PRKN: variants seen among roughly 807,000 people sequenced by gnomAD.
PRKN encodes E3 ubiquitin-protein ligase parkin.
Under a neutral mutation model 59.5 loss-of-function variants are expected in PRKN, and 56 were observed. The observed-to-expected ratio is 0.94, with a 90% CI of 0.76 to 1.18. The LOEUF is 1.18. Among genes scored for constraint, PRKN ranks in the 50% most tolerant of loss-of-function variants. The pLI, the probability that PRKN is intolerant of heterozygous loss-of-function variation, is 0.00. For missense variants in PRKN, 657 were observed against 596.4 expected, an observed-to-expected ratio of 1.10 and a Z score of -1.06; for synonymous variants, 250 against 222.1, an observed-to-expected ratio of 1.13 and a Z score of -1.12.
At chr6:161,730,615 A>T (rs1246506527) in intron 7 of PRKN, among the ~76,000 whole-genome samples, 11 of 144,270 alleles carry the variant, frequency 7.6e-5, no homozygotes, top group African/African-American at 2.0e-4. Context: ...GATACATCAC[A>T]TTCTGATGTG....
At chr6:161,675,834 T>C (rs1332418721) in intron 7 of PRKN, among the ~76,000 whole-genome samples, 1 of 152,244 alleles carries the variant, frequency 6.6e-6, no homozygotes, top group Non-Finnish European at 1.5e-5. Context: ...GGAAGGCTTT[T>C]TGTGAAGATT....
intron 4 of PRKN, among the ~76,000 whole-genome samples, chr6:162,134,512 A>G (rs1278049609): frequency 1.3e-5 from 2 of 152,184 alleles, no homozygotes; most frequent in African/African-American, 4.8e-5. Context: ...TTCAGAAGGG[A>G]GAGTGAAGTG....
In PRKN at chr6:161,494,922, T is replaced by G. The variant is rs575291727; in HGVS notation, c.1083+53932A>C. On this transcript the variant is annotated intron_variant, in intron 9 of 11. Coordinates refer to ENST00000366898, the MANE Select transcript of PRKN (RefSeq NM_004562.3). ...CTCCCTTGCTCCGCCTTGAACTCTG[T>G]TGTTGACATCTTTCTTGCCCTCTAC... Among the ~76,000 whole-genome samples the G allele has an allele frequency of 2.2e-3, 341 of 152,274 alleles. 2 individuals are homozygous for G. Among genetic ancestry groups the G allele is most frequent in the African/African-American group, 8.0e-3 (334 of 41,538 alleles).
chr6:161,874,950 G>T (rs1466023778), intron 6 of PRKN, among the ~76,000 whole-genome samples: 5 of 65,726 alleles, frequency 7.6e-5, no homozygotes, highest in African/African-American at 2.6e-4. Flanking sequence ...TATATTATAG[G>T]TACTTTATAT....
At chr6:161,762,787 C>T (rs1583124310) in intron 7 of PRKN, among the ~76,000 whole-genome samples, 1 of 152,260 alleles carries the variant, frequency 6.6e-6, no homozygotes, top group East Asian at 1.9e-4. Context: ...ACATTCTAGG[C>T]CACCATTGCT....
At chr6:162,572,262 G>T (rs1025010545) in intron 1 of PRKN, among the ~76,000 whole-genome samples, 5 of 152,120 alleles carry the variant, frequency 3.3e-5, no homozygotes, top group Non-Finnish European at 7.4e-5. Context: ...ATGATCTCCT[G>T]CATAATGTTA....
At chr6:162,423,475 A>C (rs557932958) in intron 2 of PRKN, among the ~76,000 whole-genome samples, 1 of 152,150 alleles carries the variant, frequency 6.6e-6, no homozygotes, top group African/African-American at 2.4e-5. Context: ...GTGCTATATA[A>C]CTCAGGGACA....
At position 161,576,303 on chromosome 6, in the gene PRKN, C is replaced by T. The variant is rs1174948312; in HGVS notation, c.872-6887G>A. On this transcript the variant is annotated intron_variant, in intron 7 of 11. Coordinates refer to ENST00000366898, the MANE Select transcript of PRKN (RefSeq NM_004562.3). The surrounding 1 kb of genome is among the most constrained non-coding windows in gnomAD (Gnocchi z 4.6). ...TTATTCATGCATTCTTTCTCCGTAG[C>T]CAATACTTGCTGTCTCAAGATATCC... Among the ~76,000 whole-genome samples the T allele has an allele frequency of 6.6e-6, 1 of 152,142 alleles. No homozygotes were observed.
At chr6:162,147,961 C>T (rs991244960) in intron 4 of PRKN, among the ~76,000 whole-genome samples, 10 of 152,110 alleles carry the variant, frequency 6.6e-5, no homozygotes, top group Middle Eastern at 3.2e-3. Flanking sequence ...ACAAAAATTA[C>T]GCAATATTTC....
intron 10 of PRKN, among the ~76,000 whole-genome samples, chr6:161,384,029 G>T (rs1053895345): frequency 1.3e-5 from 2 of 152,166 alleles, no homozygotes; most frequent in Admixed American, 1.3e-4. Context: ...TCCTGGGGGG[G>T]TCTAACTGCA....
At chr6:161,833,099 T>C (rs907802239) in intron 6 of PRKN, among the ~76,000 whole-genome samples, 2 of 152,100 alleles carry the variant, frequency 1.3e-5, no homozygotes, top group African/African-American at 4.8e-5. Context: ...GTCTACTGTG[T>C]GCTATGGAAC....
intron 7 of PRKN, among the ~76,000 whole-genome samples, chr6:161,719,853 A>T (rs1787146567): frequency 6.6e-6 from 1 of 152,158 alleles, no homozygotes; most frequent in Non-Finnish European, 1.5e-5. Context: ...GCTGGTCTTG[A>T]ACTCCTGGCC....
rs571458402 is a variant in PRKN, at chr6:161,458,429, C to A, written c.1084-71552G>T. On this transcript the variant is annotated intron_variant, in intron 9 of 11. Transcript: ENST00000366898. This position sits in a 1 kb window ranked among gnomAD's most constrained non-coding sequence, Gnocchi z 6.1. ...GTTATCACAGCTCCCTGGCCCTCGC[C>A]GCGGTGGAGGCAGCCGTCTGTCTAC... Among the ~76,000 whole-genome samples, 1 of 152,282 alleles carries A rather than the reference C, an allele frequency of 6.6e-6. No homozygotes were observed. The highest frequency in any genetic ancestry group is 2.4e-5 in the African/African-American group (1 of 41,552).
intron 7 of PRKN, among the ~76,000 whole-genome samples, chr6:161,671,319 T>C (rs1196406291): frequency 1.3e-5 from 2 of 152,132 alleles, no homozygotes; most frequent in African/African-American, 2.4e-5. Context: ...AGGAACCTCA[T>C]GTCATGGTAA....
chr6:162,540,673 G>T (rs1778893734), intron 1 of PRKN, among the ~76,000 whole-genome samples: 2 of 151,840 alleles, frequency 1.3e-5, no homozygotes, highest in Admixed American at 6.6e-5. Flanking sequence ...TGGGCATGGT[G>T]GTGGGTGCCT....
intron 2 of PRKN, among the ~76,000 whole-genome samples, chr6:162,442,833 C>T (rs573752439): frequency 6.6e-6 from 1 of 152,108 alleles, no homozygotes; most frequent in Admixed American, 6.5e-5. Context: ...CAATGGGCCC[C>T]GGAGCCCACA....
chr6:161,847,073 G>A (rs1239230507), intron 6 of PRKN, among the ~76,000 whole-genome samples: 1 of 152,178 alleles, frequency 6.6e-6, no homozygotes, highest in East Asian at 1.9e-4. Flanking sequence ...ACTGTGGGAG[G>A]CCGGGGTGGG....
chr6:162,062,387 C>G (rs932636535), intron 4 of PRKN, among the ~76,000 whole-genome samples: 5 of 152,148 alleles, frequency 3.3e-5, no homozygotes, highest in African/African-American at 1.2e-4. Context: ...AGAGTGGGAA[C>G]AAGCCACATA....
intron 1 of PRKN, among the ~76,000 whole-genome samples, chr6:162,467,386 T>A (rs1282562475): frequency 6.6e-6 from 1 of 152,034 alleles, no homozygotes; most frequent in Non-Finnish European, 1.5e-5. Context: ...TCTCCTAAAT[T>A]ACTTAACATC....
Sources: allele counts gnomAD v4.1 joint callset (sites outside exome capture counted in the v4.1 genomes callset), GRCh38; gene constraint gnomAD v4.1.1; non-coding constraint Gnocchi (gnomAD v3.1); transcripts MANE v1.5; gene names NCBI Gene and HGNC (gene_info 2026-07-23, HGNC 2026-07-21).